The following KCNQ3 variants were observed in gnomAD, a reference collection of about 807,000 sequenced individuals.
KCNQ3 encodes the protein potassium voltage-gated channel subfamily Q member 3, also known as potassium voltage-gated channel subfamily KQT member 3.
In KCNQ3, 30 loss-of-function variants were observed where a neutral mutation model predicts 92.5. The ratio of observed to expected loss-of-function variants is 0.32; its 90% CI spans 0.24 to 0.44. The LOEUF (loss-of-function observed/expected upper bound fraction) is 0.44, where lower values mean the gene tolerates loss of function less well. KCNQ3 is among the 20% of genes least tolerant of loss of function. KCNQ3 has a pLI of 1.00. For synonymous variants in KCNQ3, 450 were observed against 468.8 expected (o/e 0.96, Z 0.52); for missense variants, 913 against 1,140.3 (o/e 0.80, Z 2.87).
At chr8:132,392,881 A>C (rs1820088149) in intron 1 of KCNQ3, among the ~76,000 whole-genome samples, 1 of 151,100 alleles carries the variant, frequency 6.6e-6, no homozygotes, top group Non-Finnish European at 1.5e-5. Flanking sequence ...AGTCCACAGC[A>C]CTTTTCATCT....
chr8:132,381,628 G>A (rs1819752816), intron 1 of KCNQ3, among the ~76,000 whole-genome samples: 1 of 152,180 alleles, frequency 6.6e-6, no homozygotes, highest in South Asian at 2.1e-4. Flanking sequence ...AACTTATTGA[G>A]CACCTACTAT....
At chr8:132,203,877 G>C (rs62519642) in intron 1 of KCNQ3, among the ~76,000 whole-genome samples, 4,883 of 152,164 alleles carry the variant, frequency 0.032, 137 homozygotes, top group Non-Finnish European at 0.048. Flanking sequence ...TGGTGCCTGG[G>C]GAATTTGTAA....
chr8:132,402,680 A>G lies in KCNQ3; in HGVS notation c.386+77467T>C, dbSNP rs193257599. Among the ~76,000 whole-genome samples, 712 of 152,272 alleles carry G rather than the reference A, an allele frequency of 4.7e-3. 5 individuals are homozygous for G. Among genetic ancestry groups the G allele is most frequent in the Middle Eastern group, 0.014 (4 of 294 alleles). On this transcript the variant is annotated intron_variant, in intron 1 of 14. Transcript: ENST00000388996. ...TTTGGCAAAACCCAGAGAATTGTACAATGCAAAGACAGAATTATAATATAA... is the reference window on the plus strand; with the variant it reads ...TTTGGCAAAACCCAGAGAATTGTACGATGCAAAGACAGAATTATAATATAA...
intron 1 of KCNQ3, among the ~76,000 whole-genome samples, chr8:132,460,714 G>A (rs1409909746): frequency 2.0e-5 from 3 of 152,028 alleles, no homozygotes; most frequent in African/African-American, 7.3e-5. Flanking sequence ...TCCCTTCCTG[G>A]GGTTCCGTGA....
At chr8:132,180,858 T>G (rs1449419845) in intron 3 of KCNQ3, among the ~76,000 whole-genome samples, 1 of 141,524 alleles carries the variant, frequency 7.1e-6, no homozygotes, top group Non-Finnish European at 1.6e-5. Context: ...AAACCAATGT[T>G]GGGGGTGTTA....
At chr8:132,394,224 T>C (rs1287148054) in intron 1 of KCNQ3, among the ~76,000 whole-genome samples, 3 of 152,178 alleles carry the variant, frequency 2.0e-5, no homozygotes, top group African/African-American at 4.8e-5. Flanking sequence ...ATGACAGGTG[T>C]CCACAGAAAT....
intron 1 of KCNQ3, among the ~76,000 whole-genome samples, chr8:132,452,785 C>T (rs1821851627): frequency 6.6e-6 from 1 of 152,190 alleles, no homozygotes; most frequent in Non-Finnish European, 1.5e-5. Context: ...CCTCCAGACA[C>T]ATCCCAGTGA....
intron 1 of KCNQ3, among the ~76,000 whole-genome samples, chr8:132,275,914 T>C (rs1157158629): frequency 6.6e-6 from 1 of 151,720 alleles, no homozygotes; most frequent in Non-Finnish European, 1.5e-5. Context: ...CCCACCGGCC[T>C]GGAGCCCTCT....
intron 1 of KCNQ3, among the ~76,000 whole-genome samples, chr8:132,304,944 C>A (rs1817371433): frequency 6.6e-6 from 1 of 152,006 alleles, no homozygotes; most frequent in Admixed American, 6.6e-5. Flanking sequence ...TAGGGAGTAA[C>A]TGAAGGAAAG....
intron 1 of KCNQ3, among the ~76,000 whole-genome samples, chr8:132,197,438 G>A (rs552394770): frequency 6.6e-6 from 1 of 152,278 alleles, no homozygotes; most frequent in African/African-American, 2.4e-5. Context: ...GCATATAAAA[G>A]CAATGCTAGT....
chr8:132,287,855 A>G (rs1157672006), intron 1 of KCNQ3, among the ~76,000 whole-genome samples: 3 of 152,194 alleles, frequency 2.0e-5, no homozygotes, highest in Non-Finnish European at 4.4e-5. Context: ...ATATTTTGTA[A>G]CTAGATAGAG....
chr8:132,327,243 T>A (rs148769704), intron 1 of KCNQ3, among the ~76,000 whole-genome samples: 1 of 152,270 alleles, frequency 6.6e-6, no homozygotes, highest in African/African-American at 2.4e-5. Flanking sequence ...CAAAGAAAAC[T>A]GAGAAAACAG....
At chr8:132,182,862 T>TA (rs758807557) in intron 3 of KCNQ3, among the ~76,000 whole-genome samples, 9 of 149,032 alleles carry the variant, frequency 6.0e-5, no homozygotes, top group Non-Finnish European at 1.3e-4. Flanking sequence ...AAAAAATCAT[T>TA]AAAAAAGTCC....
At chr8:132,218,868 C>A (rs933186601) in intron 1 of KCNQ3, among the ~76,000 whole-genome samples, 5 of 152,196 alleles carry the variant, frequency 3.3e-5, no homozygotes, top group African/African-American at 1.2e-4. Flanking sequence ...GAGGCCCAGT[C>A]TCCCTTCCTC....
At chr8:132,382,953 G>C (rs1819792633) in intron 1 of KCNQ3, among the ~76,000 whole-genome samples, 1 of 152,204 alleles carries the variant, frequency 6.6e-6, no homozygotes, top group Non-Finnish European at 1.5e-5. Context: ...GCCTCAGGGA[G>C]CTGTTGGAAG....
rs7462508 is a variant in KCNQ3, at chr8:132,457,894, C to A, written c.386+22253G>T. 2.8e-4 allele frequency among the ~76,000 whole-genome samples: 42 copies of A among 152,262 alleles called. No homozygotes were observed. The South Asian group carries it at 3.7e-3, about 14-fold the overall frequency. On this transcript the variant is annotated intron_variant, in intron 1 of 14. Coordinates refer to ENST00000388996, the MANE Select transcript of KCNQ3 (RefSeq NM_004519.4). ...AACTTTCTGGAGGTGGCACAGGTGG[C>A]AAAACAGGGATTTGCTCCCACATCT...
At chr8:132,457,779 T>C (rs983644157) in intron 1 of KCNQ3, among the ~76,000 whole-genome samples, 3 of 152,198 alleles carry the variant, frequency 2.0e-5, no homozygotes, top group Non-Finnish European at 4.4e-5. Flanking sequence ...TGAACAACCA[T>C]TCTGCTATCC....
chr8:132,316,505 C>A (rs1251980324), intron 1 of KCNQ3, among the ~76,000 whole-genome samples: 2 of 152,364 alleles, frequency 1.3e-5, no homozygotes, highest in East Asian at 3.9e-4. Flanking sequence ...TCCTTCAACA[C>A]TGGCCACTGT....
rs1184710254 is a variant in KCNQ3 at position 132,123,010 on chromosome 8, C to T, written c.*6252G>A. 6.6e-6 allele frequency: 1 copy of T among 152,156 alleles called. No homozygotes were observed. Among genetic ancestry groups the T allele is most frequent in the South Asian group, 2.1e-4 (1 of 4,816 alleles). The allele number at this position is 152,156 out of a possible 1,614,324, so 9.4% of individuals were successfully genotyped here. On this transcript the variant is annotated 3_prime_UTR_variant, in exon 15 of 15. Coordinates refer to ENST00000388996, the MANE Select transcript of KCNQ3 (RefSeq NM_004519.4). ...ATTCTCTGGGACAAGGCAAGAGGAC[C>T]CAAGCTGTGTTCAAATGAGACCCAG... is the stretch of plus-strand genomic sequence containing the variant.
Sources: gnomAD v4.1 joint callset for allele counts (sites outside exome capture counted in the v4.1 genomes callset) on GRCh38, gnomAD v4.1.1 for gene constraint, MANE v1.5 for transcripts, NCBI Gene and HGNC (gene_info 2026-07-23, HGNC 2026-07-21) for gene names.